Variants in FSTL5 observed in about 807,000 individuals in gnomAD.
FSTL5 encodes follistatin like 5.
A neutral mutation model predicts 89.1 loss-of-function variants in FSTL5; 62 were observed. That is an observed-to-expected ratio of 0.70 (90% CI 0.57 to 0.86). The LOEUF (loss-of-function observed/expected upper bound fraction) is 0.86. FSTL5 is among the 40% of genes least tolerant of loss of function. The pLI, the probability that FSTL5 is intolerant of heterozygous loss-of-function variation, is 0.00. For missense variants in FSTL5, 1,057 were observed against 1,001.6 expected, an observed-to-expected ratio of 1.06 and a Z score of -0.75; for synonymous variants, 383 against 346.2, an observed-to-expected ratio of 1.11 and a Z score of -1.18.
At chr4:161,484,269 C>T (rs759691307) in intron 12 of FSTL5, among the ~76,000 whole-genome samples, 28 of 152,006 alleles carry the variant, frequency 1.8e-4, no homozygotes, top group South Asian at 6.2e-4. Flanking sequence ...TCAGGTCATC[C>T]GGCATCATTC....
At chr4:161,917,930 T>C (rs150479631) in intron 4 of FSTL5, among the ~76,000 whole-genome samples, 104 of 152,302 alleles carry the variant, frequency 6.8e-4, no homozygotes, top group African/African-American at 2.4e-3. Context: ...ATAATCACCT[T>C]TTAAAAATCT....
At chr4:161,918,994 A>G (rs991079700) in intron 4 of FSTL5, among the ~76,000 whole-genome samples, 2 of 151,994 alleles carry the variant, frequency 1.3e-5, no homozygotes, top group Admixed American at 6.6e-5. Context: ...AGGTGAACAA[A>G]CCCTCAATTT....
At chr4:161,864,514 A>G (rs2126893402) in intron 4 of FSTL5, among the ~76,000 whole-genome samples, 1 of 152,308 alleles carries the variant, frequency 6.6e-6, no homozygotes, top group East Asian at 1.9e-4. Context: ...TAATGTGAGG[A>G]GCCAAGCTAA....
At chr4:161,445,232 C>A (rs940697341) in intron 15 of FSTL5, among the ~76,000 whole-genome samples, 1 of 151,804 alleles carries the variant, frequency 6.6e-6, no homozygotes, top group Non-Finnish European at 1.5e-5. Context: ...TATGTTGGAC[C>A]ATACGAATAA....
intron 6 of FSTL5, among the ~76,000 whole-genome samples, chr4:161,665,670 C>T (rs1736868270): frequency 6.6e-6 from 1 of 151,926 alleles, no homozygotes; most frequent in East Asian, 1.9e-4. Flanking sequence ...AATTATGCAA[C>T]AAAATAAAAA....
At chr4:161,885,888 G>T (rs543018791) in intron 4 of FSTL5, among the ~76,000 whole-genome samples, 1 of 152,158 alleles carries the variant, frequency 6.6e-6, no homozygotes, top group Non-Finnish European at 1.5e-5. Flanking sequence ...TAGACAACTG[G>T]CAAAACTGTG....
At chr4:161,769,558 T>C (rs1205737692) in intron 5 of FSTL5, among the ~76,000 whole-genome samples, 1 of 151,938 alleles carries the variant, frequency 6.6e-6, no homozygotes, top group Non-Finnish European at 1.5e-5. Context: ...ATGTGATATA[T>C]CATATCAACA....
intron 6 of FSTL5, among the ~76,000 whole-genome samples, chr4:161,728,431 G>T (rs557883897): frequency 6.6e-6 from 1 of 152,260 alleles, no homozygotes; most frequent in African/African-American, 2.4e-5. Flanking sequence ...GCTGTGCAAA[G>T]ATTTGGGCCT....
rs894077442 is a variant in FSTL5 at position 161,783,619 on chromosome 4, T to G, written c.410-7545A>C. On this transcript the variant is annotated intron_variant, in intron 4 of 15. Transcript: ENST00000306100. ...TTGCCTTTCTTTCTTTCTTTCTCTT[T>G]TTCTTTCTCTTTCTTTTCTTTCTTT... Among the ~76,000 whole-genome samples the G allele has an allele frequency of 1.0e-4, 13 of 125,744 alleles. 1 individual carries two copies. The highest frequency in any genetic ancestry group is 4.6e-4 in the Admixed American group (5 of 10,830). 82.5% of individuals were successfully genotyped at this position (125,744 alleles called of 152,430 possible).
intron 15 of FSTL5, among the ~76,000 whole-genome samples, chr4:161,450,473 A>G (rs1733123936): frequency 6.6e-6 from 1 of 152,200 alleles, no homozygotes; most frequent in Non-Finnish European, 1.5e-5. Flanking sequence ...TCTCCTATGC[A>G]TTAGCCATGT....
intron 7 of FSTL5, among the ~76,000 whole-genome samples, chr4:161,607,121 G>C (rs1196673161): frequency 6.6e-6 from 1 of 152,074 alleles, no homozygotes; most frequent in East Asian, 1.9e-4. Context: ...TAACCCACAA[G>C]TTATTAGTAA....
intron 14 of FSTL5, among the ~76,000 whole-genome samples, chr4:161,456,142 G>A (rs904900768): frequency 6.6e-6 from 1 of 152,040 alleles, no homozygotes; most frequent in Non-Finnish European, 1.5e-5. Flanking sequence ...TCTATTTCAA[G>A]TTATTTCCTG....
chr4:161,411,909 T>G (rs1731606629), intron 15 of FSTL5, among the ~76,000 whole-genome samples: 1 of 152,170 alleles, frequency 6.6e-6, no homozygotes, highest in Non-Finnish European at 1.5e-5. Context: ...ACTATCTCTC[T>G]TCACTGATGA....
At chr4:161,848,455 TATA>T (rs1243079626) in intron 4 of FSTL5, among the ~76,000 whole-genome samples, 1 of 152,212 alleles carries the variant, frequency 6.6e-6, no homozygotes, top group Non-Finnish European at 1.5e-5. Context: ...AGTAATGTTC[TATA>T]ATGTTTTTTA....
At chr4:161,783,386 C>T (rs894055579) in intron 4 of FSTL5, among the ~76,000 whole-genome samples, 2 of 151,700 alleles carry the variant, frequency 1.3e-5, no homozygotes, top group Non-Finnish European at 1.5e-5. Flanking sequence ...TATTTTTTTC[C>T]GGGTAACCTA....
intron 15 of FSTL5, among the ~76,000 whole-genome samples, chr4:161,395,113 T>C (rs1434367616): frequency 1.3e-5 from 2 of 152,144 alleles, no homozygotes; most frequent in Non-Finnish European, 2.9e-5. Flanking sequence ...GGTCAAGGCC[T>C]ATCATCAAAA....
At chr4:161,766,917 T>C (rs1223127377) in intron 5 of FSTL5, among the ~76,000 whole-genome samples, 2 of 112,934 alleles carry the variant, frequency 1.8e-5, no homozygotes, top group African/African-American at 3.4e-5. Flanking sequence ...GATTGATAGA[T>C]AGATAGATAG....
At chr4:161,571,190 T>C (rs1384029465) in intron 8 of FSTL5, among the ~76,000 whole-genome samples, 1 of 152,008 alleles carries the variant, frequency 6.6e-6, no homozygotes, top group African/African-American at 2.4e-5. Flanking sequence ...TAATGGATTA[T>C]GTTAAGGCAC....
rs371700696 is a variant in FSTL5 at position 161,913,729 on chromosome 4, T to C, written c.409+6675A>G. Among the ~76,000 whole-genome samples, 119 of 152,206 alleles carry C rather than the reference T, an allele frequency of 7.8e-4. 1 individual carries two copies. Among genetic ancestry groups the C allele is most frequent in the Middle Eastern group, 6.8e-3 (2 of 294 alleles). On this transcript the variant is annotated intron_variant, in intron 4 of 15. Transcript: ENST00000306100. ...TGAGACCTGGTGTCAAAGGAGATAATTTTGGATGTTTGAAATTTGACTGCC... is the reference window on the plus strand; with the variant it reads ...TGAGACCTGGTGTCAAAGGAGATAACTTTGGATGTTTGAAATTTGACTGCC...
Sources: allele counts gnomAD v4.1 joint callset (sites outside exome capture counted in the v4.1 genomes callset), GRCh38; gene constraint gnomAD v4.1.1; transcripts MANE v1.5; gene names NCBI Gene and HGNC (gene_info 2026-07-23, HGNC 2026-07-21).